Variants in MTMR8 observed in about 807,000 individuals in gnomAD.
The protein encoded by MTMR8 is phosphatidylinositol-3,5-bisphosphate 3-phosphatase MTMR8.
MTMR8 carries 65 observed loss-of-function variants against 39.3 expected under a neutral mutation model. That is an observed-to-expected ratio of 1.65 (90% CI 1.35 to 2.03). MTMR8 has a LOEUF of 2.03. Ranked by LOEUF, MTMR8 falls within the 30% of genes most tolerant of loss-of-function variation. The pLI is 0.00. For missense variants in MTMR8, 777 were observed against 538.9 expected, an observed-to-expected ratio of 1.44 and a Z score of -4.37; for synonymous variants, 245 against 185.2, an observed-to-expected ratio of 1.32 and a Z score of -2.62.
At chrX:64,387,065 G>T (rs747717186) in intron 1 of MTMR8, among the ~76,000 whole-genome samples, 2 of 110,922 alleles carry the variant, frequency 1.8e-5, no homozygotes, top group Non-Finnish European at 3.8e-5. Context: ...AAAAAGAAAA[G>T]AAAGAAACTA....
intron 9 of MTMR8, among the ~76,000 whole-genome samples, chrX:64,336,727 G>A (rs1050489993): frequency 9.0e-6 from 1 of 111,404 alleles, no homozygotes; most frequent in Non-Finnish European, 1.9e-5. Context: ...AACCCAGGAG[G>A]TGGAGGTTGC....
chrX:64,368,616 G>T (rs1380613303), intron 1 of MTMR8, among the ~76,000 whole-genome samples: 2 of 111,573 alleles, frequency 1.8e-5, no homozygotes, highest in Non-Finnish European at 3.8e-5. Flanking sequence ...ATTCAAGATG[G>T]ATTAAAGACT....
intron 12 of MTMR8, among the ~76,000 whole-genome samples, chrX:64,276,428 A>G (rs939438733): frequency 9.0e-6 from 1 of 111,440 alleles, no homozygotes; most frequent in Admixed American, 9.5e-5. Context: ...ATTTGGTACT[A>G]TAAATTTCCC....
intron 12 of MTMR8, among the ~76,000 whole-genome samples, chrX:64,301,676 T>A (rs200257873): frequency 0.011 from 1,194 of 111,573 alleles, 51 homozygotes; most frequent in Admixed American, 0.088. Flanking sequence ...TTTCCAGTTT[T>A]TCTGTTCTGT....
intron 1 of MTMR8, among the ~76,000 whole-genome samples, chrX:64,392,208 C>T (rs1206457523): frequency 9.0e-6 from 1 of 111,264 alleles, no homozygotes; most frequent in Non-Finnish European, 1.9e-5. Flanking sequence ...ATTCTACGGC[C>T]CAGAAATTCC....
At position 64,370,381 on chromosome X, in the gene MTMR8, A is replaced by G. The variant is rs183049037; in HGVS notation, c.25-10854T>C. Among the ~76,000 whole-genome samples the G allele has an allele frequency of 4.5e-5, 5 of 110,288 alleles. No individual in the cohort carries two copies. In the Admixed American group the frequency reaches 4.8e-4, roughly 11 times the overall value. On this transcript the variant is annotated intron_variant, in intron 1 of 13. Transcript: ENST00000374852. ...ACAAAATGAAAATTTTCATTTATAA[A>G]AAAAAAAAGGAAAGGCGAGATGCTT...
intron 3 of MTMR8, among the ~76,000 whole-genome samples, chrX:64,355,944 A>T (rs1199599644): frequency 3.6e-5 from 4 of 111,196 alleles, no homozygotes; most frequent in Non-Finnish European, 7.5e-5. Context: ...ATACTAATAC[A>T]TGAAGGTATT....
intron 2 of MTMR8, among the ~76,000 whole-genome samples, chrX:64,356,719 A>C (rs1441391454): frequency 9.0e-6 from 1 of 111,419 alleles, no homozygotes; most frequent in Non-Finnish European, 1.9e-5. Flanking sequence ...ATTACTAATT[A>C]AGATAATTAT....
At chrX:64,279,176 C>T (rs1931949797) in intron 12 of MTMR8, among the ~76,000 whole-genome samples, 1 of 111,792 alleles carries the variant, frequency 8.9e-6, no homozygotes, top group South Asian at 3.7e-4. Context: ...CAAAGCCACC[C>T]CTTCCCCCTA....
intron 3 of MTMR8, among the ~76,000 whole-genome samples, chrX:64,355,812 G>A (rs1017150866): frequency 4.5e-5 from 5 of 111,072 alleles, no homozygotes; most frequent in Non-Finnish European, 3.8e-5. Flanking sequence ...AAGTCTGCAG[G>A]ACAGCAGGAA....
intron 1 of MTMR8, among the ~76,000 whole-genome samples, chrX:64,393,810 C>T (rs1924753785): frequency 8.9e-6 from 1 of 112,268 alleles, no homozygotes; most frequent in Non-Finnish European, 1.9e-5. Flanking sequence ...GGAGTTTGTG[C>T]TTTGCCCATC....
intron 12 of MTMR8, among the ~76,000 whole-genome samples, chrX:64,287,907 C>G (rs1162919402): frequency 9.9e-6 from 1 of 101,493 alleles, no homozygotes; most frequent in Non-Finnish European, 2.0e-5. Context: ...TAGGCATGGG[C>G]AAGGACTTGA....
intron 12 of MTMR8, among the ~76,000 whole-genome samples, chrX:64,315,321 C>T (rs889034450): frequency 4.5e-5 from 5 of 111,643 alleles, no homozygotes; most frequent in Non-Finnish European, 3.8e-5. Flanking sequence ...ATGGTGGCCC[C>T]GTGCAGGGTC....
intron 12 of MTMR8, among the ~76,000 whole-genome samples, chrX:64,294,035 C>A (rs528528104): frequency 1.8e-5 from 2 of 111,634 alleles, no homozygotes; most frequent in Middle Eastern, 4.7e-3. Flanking sequence ...TAAGGCAAGA[C>A]CCTGAAGGAT....
intron 1 of MTMR8, among the ~76,000 whole-genome samples, chrX:64,388,351 C>A (rs905495469): frequency 8.9e-6 from 1 of 111,803 alleles, no homozygotes; most frequent in South Asian, 3.7e-4. Flanking sequence ...AAACGGCAGG[C>A]TTTTATGACA....
At chrX:64,306,900 C>T (rs891649687) in intron 12 of MTMR8, among the ~76,000 whole-genome samples, 21 of 111,049 alleles carry the variant, frequency 1.9e-4, no homozygotes, top group Non-Finnish European at 3.4e-4. Flanking sequence ...AGGCCTTCTC[C>T]TCTCCCTGTA....
rs1189238544 is a variant in MTMR8, at chrX:64,298,317, C to A, written c.1482-27244G>T. On this transcript the variant is annotated intron_variant, in intron 12 of 13. Transcript: ENST00000374852. ...CTTCACATCCCTTGTAAGTTGGATTCCTAGGTATTTTATTCTCTTTGAAGC... is the reference window on the plus strand; with the variant it reads ...CTTCACATCCCTTGTAAGTTGGATTACTAGGTATTTTATTCTCTTTGAAGC... Among the ~76,000 whole-genome samples the A allele has an allele frequency of 6.0e-5, 6 of 99,703 alleles. No homozygotes were observed. The East Asian group carries it at 1.6e-3, about 26-fold the overall frequency. 86.6% of individuals were successfully genotyped at this position (99,703 alleles called of 115,157 possible). A position where few individuals can be genotyped will look rare whatever the true frequency, so the allele number is the denominator to read the frequency against.
intron 4 of MTMR8, among the ~76,000 whole-genome samples, chrX:64,351,689 G>C (rs1883667): frequency 9.0e-6 from 1 of 111,126 alleles, no homozygotes; most frequent in Non-Finnish European, 1.9e-5. Flanking sequence ...CTGAAGGCCC[G>C]AGAGCCCCTG....
At chrX:64,287,565 G>A (rs1175376782) in intron 12 of MTMR8, among the ~76,000 whole-genome samples, 15 of 110,551 alleles carry the variant, frequency 1.4e-4, no homozygotes, top group Non-Finnish European at 2.7e-4. Flanking sequence ...ACTTCAAACT[G>A]TACTACAAGG....
Sources: allele counts gnomAD v4.1 joint callset (sites outside exome capture counted in the v4.1 genomes callset), GRCh38; gene constraint gnomAD v4.1.1; transcripts MANE v1.5; gene names NCBI Gene and HGNC (gene_info 2026-07-23, HGNC 2026-07-21).